The following PLD1 variants were observed in gnomAD, a reference collection of about 807,000 sequenced individuals.
PLD1 encodes phospholipase D1.
In PLD1, 112 loss-of-function variants were observed where a neutral mutation model predicts 137.1. The ratio of observed to expected loss-of-function variants is 0.82; its 90% CI spans 0.70 to 0.96. The LOEUF (loss-of-function observed/expected upper bound fraction) is 0.96, where lower values mean the gene tolerates loss of function less well. Ranked by LOEUF, PLD1 falls within the 40% of genes least tolerant of loss-of-function variation. The pLI, the probability that PLD1 is intolerant of heterozygous loss-of-function variation, is 0.00. For missense variants in PLD1, 1,321 were observed against 1,342.0 expected (o/e 0.98, Z 0.24); for synonymous variants, 431 against 454.7 (o/e 0.95, Z 0.66).
chr3:171,734,964 C>T lies in PLD1; in HGVS notation c.441G>A (p.Thr147=), dbSNP rs1233277644. Residue 147 remains threonine, a synonymous_variant, in exon 5 of 27, where the codon ACG becomes ACA. Transcript: ENST00000351298. The part of the protein sequence containing the change: ...IRIPIPTRRH[T]FRRQNVREEP... ...CCTCTCTGACGTTTTGCCTCCTAAA[C>T]GTGTGTCTAAAACACAAACACACAG... is the stretch of plus-strand genomic sequence containing the variant. The T allele has an allele frequency of 7.5e-6, 12 of 1,602,750 alleles. No individual in the cohort carries two copies. Among genetic ancestry groups the T allele is most frequent in the East Asian group, 2.2e-5 (1 of 44,810 alleles).
chr3:171,761,993 C>T (rs1721428379), intron 1 of PLD1, among the ~76,000 whole-genome samples: 2 of 152,332 alleles, frequency 1.3e-5, no homozygotes, highest in South Asian at 2.1e-4. Context: ...ACTCTATCTT[C>T]TTATCAGCAT....
chr3:171,734,654 A>G (rs1204785416), intron 5 of PLD1, among the ~76,000 whole-genome samples: 5 of 152,034 alleles, frequency 3.3e-5, no homozygotes, highest in African/African-American at 1.2e-4. Flanking sequence ...AGGCCTAACC[A>G]AGAACGCTCT....
chr3:171,610,195 T>A (rs533210408), intron 25 of PLD1, among the ~76,000 whole-genome samples: 63 of 152,298 alleles, frequency 4.1e-4, no homozygotes, highest in African/African-American at 1.5e-3. Flanking sequence ...CCCATTTTTT[T>A]ATATCAGCAA....
At chr3:171,680,738 G>T (rs999344996) in intron 16 of PLD1, among the ~76,000 whole-genome samples, 2 of 152,116 alleles carry the variant, frequency 1.3e-5, no homozygotes, top group African/African-American at 4.8e-5. Context: ...CTGTCTGTGT[G>T]TAGTAACTCA....
At chr3:171,726,261 A>T (rs750938870) in intron 6 of PLD1, among the ~76,000 whole-genome samples, 185 bp from the exon 7 acceptor site, 1 of 152,210 alleles carries the variant, frequency 6.6e-6, no homozygotes, top group Non-Finnish European at 1.5e-5. Context: ...ATGAAGACAC[A>T]TCCTACTAGA....
At chr3:171,693,000 AT>A (rs1715343526) in intron 12 of PLD1, among the ~76,000 whole-genome samples, 1 of 152,344 alleles carries the variant, frequency 6.6e-6, no homozygotes, top group African/African-American at 2.4e-5. Flanking sequence ...CTGATTAAAG[AT>A]CCAAAACATT....
chr3:171,674,977 C>T (rs1484479993), intron 18 of PLD1, among the ~76,000 whole-genome samples: 1 of 54,094 alleles, frequency 1.8e-5, no homozygotes, highest in Admixed American at 2.1e-4. Context: ...GAATCTCCAT[C>T]TCAAAAAAAA....
intron 1 of PLD1, among the ~76,000 whole-genome samples, chr3:171,786,642 C>G (rs1458591146): frequency 1.3e-5 from 2 of 152,146 alleles, no homozygotes; most frequent in Non-Finnish European, 2.9e-5. Flanking sequence ...TTGCTCAAAG[C>G]AACATTACTG....
At chr3:171,636,779 T>C (rs1735165576) in intron 23 of PLD1, among the ~76,000 whole-genome samples, 2 of 152,092 alleles carry the variant, frequency 1.3e-5, no homozygotes, top group African/African-American at 2.4e-5. Flanking sequence ...TCAACTGTTG[T>C]GGCTAAAACC....
intron 24 of PLD1, among the ~76,000 whole-genome samples, chr3:171,613,704 T>A (rs906236272): frequency 1.3e-5 from 2 of 151,646 alleles, no homozygotes; most frequent in Non-Finnish European, 1.5e-5. Flanking sequence ...TTTTTTTTTT[T>A]AAATCCAAGT....
chr3:171,618,860 T>C (rs1299759989), intron 24 of PLD1, among the ~76,000 whole-genome samples: 1 of 150,758 alleles, frequency 6.6e-6, no homozygotes, highest in Non-Finnish European at 1.5e-5. Flanking sequence ...TGTGTGTGCG[T>C]GTGTGTGTGT....
chr3:171,661,734 C>G lies in PLD1; in HGVS notation c.2340+326G>C, dbSNP rs540845921. On this transcript the variant is annotated intron_variant, in intron 20 of 26. Transcript: ENST00000351298. The stretch of plus-strand genomic sequence containing the variant: ...ATAGAACTTGCTTCACACTTAAACC[C>G]TCCAACCCAAGCGAAAACAAAACTT... Among the ~76,000 whole-genome samples the G allele has an allele frequency of 1.6e-3, 250 of 152,326 alleles. 1 individual carries two copies. The highest frequency in any genetic ancestry group is 5.8e-3 in the African/African-American group (242 of 41,572).
At chr3:171,718,202 A>G (rs1198838279) in intron 8 of PLD1, among the ~76,000 whole-genome samples, 1 of 152,244 alleles carries the variant, frequency 6.6e-6, no homozygotes, top group Non-Finnish European at 1.5e-5. Context: ...GAAAATCTAC[A>G]AGAAACAGAT....
intron 1 of PLD1, among the ~76,000 whole-genome samples, chr3:171,775,939 G>T (rs900281830): frequency 7.9e-5 from 12 of 152,060 alleles, no homozygotes; most frequent in African/African-American, 2.9e-4. Flanking sequence ...GCGAAAAGGG[G>T]GACCCTAGTA....
At chr3:171,750,300 A>G (rs887278537) in intron 1 of PLD1, among the ~76,000 whole-genome samples, 1 of 152,222 alleles carries the variant, frequency 6.6e-6, no homozygotes, top group Admixed American at 6.5e-5. Context: ...GGGTCAATAA[A>G]CCTGAAGACA....
intron 23 of PLD1, 24 bp downstream of exon 23, chr3:171,642,816 A>C (rs375163939): frequency 7.2e-6 from 10 of 1,398,198 alleles, no homozygotes; most frequent in Admixed American, 1.9e-5. Context: ...AAACAATGAT[A>C]TGAGAAAAAA....
intron 23 of PLD1, among the ~76,000 whole-genome samples, chr3:171,622,131 A>C (rs1733691639): frequency 6.6e-6 from 1 of 152,258 alleles, no homozygotes. Flanking sequence ...AGTTTAAGAT[A>C]CAAAGCAGCT....
chr3:171,722,209 C>T (rs1304545544), intron 8 of PLD1, among the ~76,000 whole-genome samples: 20 of 152,118 alleles, frequency 1.3e-4, no homozygotes, highest in Non-Finnish European at 7.4e-5. Context: ...TATTGTTCCT[C>T]AAGGAGTTTT....
chr3:171,711,817 T>TAAAAAAAAAAAAA (rs36106956), intron 9 of PLD1, among the ~76,000 whole-genome samples: 7 of 99,206 alleles, frequency 7.1e-5, no homozygotes, highest in African/African-American at 2.8e-4. Context: ...TTATAAATGC[T>TAAAAAAAAAAAAA]AAAAAAAAAA....
Sources: allele counts gnomAD v4.1 joint callset (sites outside exome capture counted in the v4.1 genomes callset), GRCh38; gene constraint gnomAD v4.1.1; transcripts MANE v1.5; gene names NCBI Gene and HGNC (gene_info 2026-07-23, HGNC 2026-07-21).